RAB27A: variants seen among roughly 807,000 people sequenced by gnomAD.
RAB27A encodes the protein ras-related protein Rab-27A.
In RAB27A, 17 loss-of-function variants were observed where a neutral mutation model predicts 20.8. The ratio of observed to expected loss-of-function variants is 0.82; its 90% CI spans 0.56 to 1.23. RAB27A has a LOEUF of 1.23. RAB27A is among the 50% of genes most tolerant of loss of function. The pLI is 0.00. For missense variants in RAB27A, 277 were observed against 266.7 expected (o/e 1.04, Z -0.27); for synonymous variants, 85 against 92.8 (o/e 0.92, Z 0.48).
chr15:55,230,871 G>A (rs535610373), intron 3 of RAB27A, among the ~76,000 whole-genome samples: 8 of 152,120 alleles, frequency 5.3e-5, no homozygotes, highest in African/African-American at 1.9e-4. Flanking sequence ...TTGTTACGTA[G>A]ATAGATTGCA....
intron 2 of RAB27A, among the ~76,000 whole-genome samples, chr15:55,236,534 G>T (rs939360083): frequency 6.6e-6 from 1 of 152,016 alleles, no homozygotes; most frequent in African/African-American, 2.4e-5. Context: ...TAAAACAAAA[G>T]TCCACCTTAA....
chr15:55,209,673 T>A (rs959519022), intron 6 of RAB27A, among the ~76,000 whole-genome samples: 9 of 150,976 alleles, frequency 6.0e-5, no homozygotes, highest in Non-Finnish European at 4.4e-5. Flanking sequence ...TATATATATC[T>A]CTCTCCTAAG....
chr15:55,278,328 G>GTAT (rs1166675897), intron 1 of RAB27A, among the ~76,000 whole-genome samples: 1 of 152,102 alleles, frequency 6.6e-6, no homozygotes, highest in African/African-American at 2.4e-5. Flanking sequence ...GAGCCCTGGG[G>GTAT]TATTTATGTC....
chr15:55,308,260 A>C (rs1004582354), intron 2 of RAB27A, among the ~76,000 whole-genome samples: 2 of 152,202 alleles, frequency 1.3e-5, no homozygotes, highest in Admixed American at 1.3e-4. Flanking sequence ...AGCGAATAAT[A>C]ATCTCCTAAT....
upstream of RAB27A, among the ~76,000 whole-genome samples, chr15:55,291,510 C>CAAAAAAA (rs530643102): frequency 1.4e-5 from 1 of 69,026 alleles, no homozygotes; most frequent in Non-Finnish European, 2.7e-5. Flanking sequence ...GACTCTGTTT[C>CAAAAAAA]AAAAAAAAAA....
intron 2 of RAB27A, among the ~76,000 whole-genome samples, chr15:55,313,710 C>A (rs1480692980): frequency 6.6e-6 from 1 of 152,116 alleles, no homozygotes; most frequent in Non-Finnish European, 1.5e-5. Context: ...CCCGTCTCCA[C>A]TAAAAATACA....
intron 6 of RAB27A, among the ~76,000 whole-genome samples, chr15:55,216,481 G>C (rs116617477): frequency 6.6e-6 from 1 of 152,006 alleles, no homozygotes; most frequent in Non-Finnish European, 1.5e-5. Flanking sequence ...GCAGTGAGCC[G>C]AGGCGGTGCT....
At chr15:55,209,756 A>G (rs116429557) in intron 6 of RAB27A, among the ~76,000 whole-genome samples, 1,577 of 141,324 alleles carry the variant, frequency 0.011, 156 homozygotes, top group African/African-American at 0.044. Flanking sequence ...ATATATGTGT[A>G]TGTGTGTACA....
At chr15:55,235,409 T>C (rs762047643) in intron 2 of RAB27A, among the ~76,000 whole-genome samples, 3 of 151,664 alleles carry the variant, frequency 2.0e-5, no homozygotes, top group Non-Finnish European at 2.9e-5. Context: ...GATTGCGCCA[T>C]TGCACTCCAG....
At chr15:55,213,909 C>CA (rs1297521858) in intron 6 of RAB27A, among the ~76,000 whole-genome samples, 6 of 152,130 alleles carry the variant, frequency 3.9e-5, no homozygotes, top group Admixed American at 3.9e-4. Flanking sequence ...TGAATCATTC[C>CA]AAAACCACCC....
intron 5 of RAB27A, among the ~76,000 whole-genome samples, chr15:55,226,737 G>A (rs1398620287): frequency 6.6e-6 from 1 of 151,576 alleles, no homozygotes; most frequent in African/African-American, 2.4e-5. Context: ...GGGTGTTGGT[G>A]TGCGCCTGTA....
At chr15:55,318,343 C>T (rs1007087540) in intron 1 of RAB27A, among the ~76,000 whole-genome samples, 16 of 150,974 alleles carry the variant, frequency 1.1e-4, no homozygotes, top group South Asian at 8.4e-4. Context: ...CTGATCCGCC[C>T]GTCTTGGCCT....
At chr15:55,260,681 C>T (rs62018093) in intron 2 of RAB27A, among the ~76,000 whole-genome samples, 1 of 152,008 alleles carries the variant, frequency 6.6e-6, no homozygotes, top group Non-Finnish European at 1.5e-5. Context: ...TGAAAGAAGC[C>T]AATCTGTATG....
intron 2 of RAB27A, among the ~76,000 whole-genome samples, chr15:55,242,662 T>C (rs77511906): frequency 0.029 from 4,392 of 152,142 alleles, 77 homozygotes; most frequent in Non-Finnish European, 0.036. Flanking sequence ...AGAAAGAAAT[T>C]TAAGTTAAGT....
chr15:55,234,542 G>C (rs529894838), intron 3 of RAB27A, among the ~76,000 whole-genome samples: 7 of 152,278 alleles, frequency 4.6e-5, no homozygotes, highest in African/African-American at 9.6e-5. Context: ...AGCCAAAAGA[G>C]TACCAAGGTG....
intron 1 of RAB27A, among the ~76,000 whole-genome samples, chr15:55,286,957 T>C (rs1242909961): frequency 1.5e-5 from 2 of 134,078 alleles, no homozygotes; most frequent in Non-Finnish European, 3.1e-5. Flanking sequence ...TCACACTCTG[T>C]CGCCCAGGCT....
At chr15:55,261,329 A>C (rs1243646261) in intron 2 of RAB27A, among the ~76,000 whole-genome samples, 3 of 152,110 alleles carry the variant, frequency 2.0e-5, no homozygotes, top group Non-Finnish European at 2.9e-5. Flanking sequence ...CCCGGGCAGC[A>C]GAGGTTTCAG....
chr15:55,295,494 A>G (rs1054361599), intron 2 of RAB27A, among the ~76,000 whole-genome samples: 2 of 152,250 alleles, frequency 1.3e-5, no homozygotes, highest in African/African-American at 4.8e-5. Flanking sequence ...ACATCCATAT[A>G]ATGGGATTTT....
chr15:55,318,098 CTTTTTT>C (rs200901102), intron 1 of RAB27A, among the ~76,000 whole-genome samples: 5 of 131,416 alleles, frequency 3.8e-5, no homozygotes, highest in Admixed American at 7.4e-5. Flanking sequence ...CATACTTTTT[CTTTTTT>C]TTTTTTTTTT....
Sources: gnomAD v4.1 joint callset for allele counts (sites outside exome capture counted in the v4.1 genomes callset) on GRCh38, gnomAD v4.1.1 for gene constraint, MANE v1.5 for transcripts, NCBI Gene and HGNC (gene_info 2026-07-23, HGNC 2026-07-21) for gene names.